C14orf132: variants seen among roughly 807,000 people sequenced by gnomAD.
C14orf132 encodes chromosome 14 open reading frame 132.
In C14orf132, 6 loss-of-function variants were observed where a neutral mutation model predicts 5.8. The ratio of observed to expected loss-of-function variants is 1.03; its 90% CI spans 0.57 to 2.04. The LOEUF is 2.04. Among genes scored for constraint, C14orf132 ranks in the 30% most tolerant of loss-of-function variants. The pLI, the probability that C14orf132 is intolerant of heterozygous loss-of-function variation, is 0.00. For missense variants in C14orf132, 125 were observed against 115.8 expected (o/e 1.08, Z -0.37); for synonymous variants, 51 against 49.8 (o/e 1.02, Z -0.10).
chr14:96,085,852 G>A (rs1888164310), intron 1 of C14orf132, among the ~76,000 whole-genome samples: 1 of 152,180 alleles, frequency 6.6e-6, no homozygotes, highest in Admixed American at 6.5e-5. Flanking sequence ...TGTGGCTTAT[G>A]TTCATGATAG....
At position 96,086,589 on chromosome 14, in the gene C14orf132, G is replaced by T; in HGVS notation, c.106G>T (p.Ala36Ser). 2.0e-6 allele frequency: 3 copies of T among 1,536,108 alleles called. No homozygotes were observed. Among genetic ancestry groups the T allele is most frequent in the Non-Finnish European group, 2.6e-6 (3 of 1,146,912 alleles). The stretch of plus-strand genomic sequence containing the variant: ...CGAGTACTCCCTGTTTAACTCCTCT[G>T]CCAATGTCCACGCGGCTGCCAATGG... The part of the protein sequence containing the change: ...STEYSLFNSS[A>S]NVHAAANGQG... The change falls in exon 2 of 2, where the codon GCC becomes TCC. Residue 36 changes from alanine (A) to serine (S), a missense_variant. By Grantham distance (99) the Ala-to-Ser change is moderately conservative. Coordinates refer to ENST00000555004, the MANE Select transcript of C14orf132 (RefSeq NM_001252507.3).
chr14:96,049,328 CTTTTA>C (rs996758823), intron 1 of C14orf132, among the ~76,000 whole-genome samples: 9 of 150,502 alleles, frequency 6.0e-5, no homozygotes, highest in Non-Finnish European at 1.0e-4. Flanking sequence ...AGTGTTGAAG[CTTTTA>C]TTTTATTTTA....
At position 96,039,519 on chromosome 14, in the gene C14orf132, GC is replaced by G; in HGVS notation, c.21del (p.Ala8ArgfsTer5). 2 of 1,502,768 alleles carry G rather than the reference GC, an allele frequency of 1.3e-6. No individual in the cohort carries two copies. The highest frequency in any genetic ancestry group is 1.8e-6 in the Non-Finnish European group (2 of 1,129,728). The allele number at this position is 1,502,768 out of a possible 1,614,324, so 93.1% of individuals were successfully genotyped here. A position where few individuals can be genotyped will look rare whatever the true frequency, so the allele number is the denominator to read the frequency against. MDLSFMAAQLPMMGGAF... is the reference protein window; with the variant it reads MDLSFMXAQLPMMGGAF... ...CGACACCATGGATCTCTCCTTTATGGCCGCGCAGGTAACGGGGCGTCCCCCC... is the reference window on the plus strand; with the variant it reads ...CGACACCATGGATCTCTCCTTTATGGCGCGCAGGTAACGGGGCGTCCCCCC... On this transcript the variant is annotated frameshift_variant, in exon 1 of 2. Transcript: ENST00000555004. LOFTEE classifies it high-confidence loss of function. The surrounding 1 kb of genome is among the most constrained non-coding windows in gnomAD (Gnocchi z 5.3).
chr14:96,055,610 T>C (rs758383218), intron 1 of C14orf132, among the ~76,000 whole-genome samples: 7 of 152,182 alleles, frequency 4.6e-5, no homozygotes, highest in Non-Finnish European at 1.0e-4. Context: ...GGCAAACTCC[T>C]GAACCTCTCT....
Position 96,065,519 on chromosome 14 carries a change from G to GTTTCAT in C14orf132, c.28-20987_28-20986insTTTTCA, listed in dbSNP as rs1887505641. On this transcript the variant is annotated intron_variant, in intron 1 of 1. Coordinates refer to ENST00000555004, the MANE Select transcript of C14orf132 (RefSeq NM_001252507.3). ...GCTCGCTGATGGAGAATGATGCTCA[G>GTTTCAT]TTTCACTTTTATTCCTTTTGTCCTC... is the stretch of plus-strand genomic sequence containing the variant. Among the ~76,000 whole-genome samples, 17 of 152,222 alleles carry GTTTCAT rather than the reference G, an allele frequency of 1.1e-4. No homozygotes were observed. In the South Asian group the frequency reaches 3.5e-3, roughly 32 times the overall value.
At position 96,039,465 on chromosome 14, in the gene C14orf132, A is replaced by C; in HGVS notation, c.-36A>C. 1 of 1,491,190 alleles carries C rather than the reference A, an allele frequency of 6.7e-7. No individual in the cohort carries two copies. The highest frequency in any genetic ancestry group is 2.7e-5 in the East Asian group (1 of 36,668). The allele number at this position is 1,491,190 out of a possible 1,614,324, so 92.4% of individuals were successfully genotyped here. A position where few individuals can be genotyped will look rare whatever the true frequency, so the allele number is the denominator to read the frequency against. On this transcript the variant is annotated 5_prime_UTR_variant, in exon 1 of 2. Transcript: ENST00000555004. This position sits in a 1 kb window ranked among gnomAD's most constrained non-coding sequence, Gnocchi z 5.3. ...GCGGCTGACCCGCAGCGGCAGCGGC[A>C]GCAGCGAGGACTCGAGCGCTGGCTG...
At chr14:96,066,948 T>C (rs1166385097) in intron 1 of C14orf132, among the ~76,000 whole-genome samples, 2 of 152,152 alleles carry the variant, frequency 1.3e-5, no homozygotes, top group African/African-American at 2.4e-5. Context: ...GATCTAGAGT[T>C]TGATTTCTGA....
intron 1 of C14orf132, among the ~76,000 whole-genome samples, chr14:96,077,875 A>G (rs901690062): frequency 3.3e-5 from 5 of 152,248 alleles, no homozygotes; most frequent in African/African-American, 1.2e-4. Context: ...TTCAGTTATC[A>G]GAGCCTTTAC....
chr14:96,064,788 C>T (rs1887481678), intron 1 of C14orf132, among the ~76,000 whole-genome samples: 1 of 151,992 alleles, frequency 6.6e-6, no homozygotes, highest in African/African-American at 2.4e-5. Flanking sequence ...CTCATGCAAC[C>T]ACAAACCACC....
intron 1 of C14orf132, among the ~76,000 whole-genome samples, chr14:96,064,363 TACACACACACACAC>T (rs148402921): frequency 5.2e-5 from 7 of 135,856 alleles, no homozygotes; most frequent in Non-Finnish European, 1.1e-4. Flanking sequence ...GGTGCATATA[TACACACACACACAC>T]ACACACACAC....
chr14:96,053,329 C>T (rs1887083626), intron 1 of C14orf132, among the ~76,000 whole-genome samples: 1 of 152,210 alleles, frequency 6.6e-6, no homozygotes, highest in African/African-American at 2.4e-5. Flanking sequence ...TCCCTGCTCT[C>T]GCTAAGGGCA....
At chr14:96,046,784 C>G (rs1308382166) in intron 1 of C14orf132, among the ~76,000 whole-genome samples, 1 of 152,202 alleles carries the variant, frequency 6.6e-6, no homozygotes, top group Non-Finnish European at 1.5e-5. Context: ...GAAGGTCCCC[C>G]AGGACCTTGA....
chr14:96,049,477 T>C (rs982568457), intron 1 of C14orf132, among the ~76,000 whole-genome samples: 3 of 146,718 alleles, frequency 2.0e-5, no homozygotes, highest in African/African-American at 7.5e-5. Context: ...TATATATGTG[T>C]ATATATATGC....
At chr14:96,069,455 T>C (rs1887641532) in intron 1 of C14orf132, among the ~76,000 whole-genome samples, 1 of 151,954 alleles carries the variant, frequency 6.6e-6, no homozygotes, top group African/African-American at 2.4e-5. Flanking sequence ...ATTTAAACTA[T>C]CAAAGCCTCA....
At chr14:96,082,483 C>A (rs546571800) in intron 1 of C14orf132, among the ~76,000 whole-genome samples, 23 of 152,184 alleles carry the variant, frequency 1.5e-4, no homozygotes, top group African/African-American at 5.5e-4. Context: ...CAGCACTTTC[C>A]ATTTAGAACC....
In C14orf132 at chr14:96,086,740, G is replaced by C. The variant is rs549620019; in HGVS notation, c.*5G>C. 2.0e-4 allele frequency: 304 copies of C among 1,535,752 alleles called. 2 individuals are homozygous for C. The African/African-American group carries it at 3.0e-3, about 15-fold the overall frequency. On this transcript the variant is annotated 3_prime_UTR_variant, in exon 2 of 2. Coordinates refer to ENST00000555004, the MANE Select transcript of C14orf132 (RefSeq NM_001252507.3). Reference sequence around the variant, plus strand: ...GTGTATGCCTTCACCTTCTGAGGACGGCACACCCTGCACCACCATGGGGTG... The same window carrying C: ...GTGTATGCCTTCACCTTCTGAGGACCGCACACCCTGCACCACCATGGGGTG...
chr14:96,044,870 GATTAC>G (rs1188138161), intron 1 of C14orf132, among the ~76,000 whole-genome samples: 2 of 152,156 alleles, frequency 1.3e-5, no homozygotes, highest in African/African-American at 4.8e-5. Context: ...ATCTTAACTT[GATTAC>G]ATCTGCAGAG....
At chr14:96,081,092 C>T (rs1888019545) in intron 1 of C14orf132, among the ~76,000 whole-genome samples, 3 of 152,168 alleles carry the variant, frequency 2.0e-5, no homozygotes, top group African/African-American at 4.8e-5. Flanking sequence ...GTCCCATCTC[C>T]CCCTTTCCCA....
chr14:96,063,642 C>T (rs1425726139), intron 1 of C14orf132, among the ~76,000 whole-genome samples: 3 of 152,202 alleles, frequency 2.0e-5, no homozygotes, highest in East Asian at 1.9e-4. Flanking sequence ...ACAAAAGTTA[C>T]GTCCCTACAT....
Sources: gnomAD v4.1 joint callset for allele counts (sites outside exome capture counted in the v4.1 genomes callset) on GRCh38, gnomAD v4.1.1 for gene constraint, Gnocchi (gnomAD v3.1) non-coding constraint, MANE v1.5 for transcripts, NCBI Gene and HGNC (gene_info 2026-07-23, HGNC 2026-07-21) for gene names.